The following MEIKIN variants were observed in gnomAD, a reference collection of about 807,000 sequenced individuals.
The protein encoded by MEIKIN is meiotic kinetochore factor.
At chr5:131,877,782 C>T (rs998258730) in intron 9 of MEIKIN, among the ~76,000 whole-genome samples, 2 of 152,218 alleles carry the variant, frequency 1.3e-5, no homozygotes, top group African/African-American at 4.8e-5. Context: ...CCCCCAGTCA[C>T]CCATCCACAG....
At chr5:131,850,839 C>G (rs1048297464) in intron 11 of MEIKIN, among the ~76,000 whole-genome samples, 1 of 152,076 alleles carries the variant, frequency 6.6e-6, no homozygotes, top group East Asian at 1.9e-4. Flanking sequence ...ATTCGAGAGG[C>G]TGAGATGGCA....
intron 12 of MEIKIN, among the ~76,000 whole-genome samples, chr5:131,807,676 A>C (rs924434): frequency 0.77 from 117,438 of 152,110 alleles, 45,519 homozygotes; most frequent in Middle Eastern, 0.83. Context: ...CATTTTCCTA[A>C]CCTTTATTAC....
intron 8 of MEIKIN, among the ~76,000 whole-genome samples, chr5:131,898,334 A>G (rs1004634755): frequency 3.3e-5 from 5 of 152,154 alleles, no homozygotes; most frequent in South Asian, 2.1e-4. Flanking sequence ...TGAGGTGTCT[A>G]TTGGCCCCTA....
chr5:131,869,607 C>T (rs765117125), intron 9 of MEIKIN, among the ~76,000 whole-genome samples: 8 of 152,178 alleles, frequency 5.3e-5, no homozygotes, highest in Non-Finnish European at 8.8e-5. Context: ...CGAATATTCT[C>T]GCATTCTGTT....
intron 11 of MEIKIN, among the ~76,000 whole-genome samples, chr5:131,847,054 T>C (rs1455414803): frequency 6.6e-6 from 1 of 151,696 alleles, no homozygotes; most frequent in Non-Finnish European, 1.5e-5. Context: ...CTATAGAATA[T>C]ACACAAAAGG....
In MEIKIN at chr5:131,823,127, C is replaced by T. The variant is rs563691555; in HGVS notation, c.976-4264G>A. ...GCTGCTTTTAGGATCTTTTCTCTATCCTTGACCTTTCAGAGTTTGATTATT... is the reference window on the plus strand; with the variant it reads ...GCTGCTTTTAGGATCTTTTCTCTATTCTTGACCTTTCAGAGTTTGATTATT... On this transcript the variant is annotated intron_variant, in intron 11 of 12. Coordinates refer to ENST00000442687, the MANE Select transcript of MEIKIN (RefSeq NM_001303622.2). Among the ~76,000 whole-genome samples, 6 of 152,030 alleles carry T rather than the reference C, an allele frequency of 3.9e-5. No individual in the cohort carries two copies. In the South Asian group the frequency reaches 8.3e-4, roughly 21 times the overall value.
chr5:131,873,952 C>T (rs1750558861), intron 9 of MEIKIN, among the ~76,000 whole-genome samples: 1 of 152,126 alleles, frequency 6.6e-6, no homozygotes, highest in Non-Finnish European at 1.5e-5. Context: ...CCAACGACAA[C>T]AAAGACACAA....
chr5:131,898,296 C>G (rs570893381), intron 8 of MEIKIN, among the ~76,000 whole-genome samples: 6 of 152,276 alleles, frequency 3.9e-5, no homozygotes, highest in African/African-American at 9.6e-5. Context: ...CCTCTGGAAG[C>G]TTTGTCCCAG....
At chr5:131,899,238 T>G (rs945327366) in intron 8 of MEIKIN, among the ~76,000 whole-genome samples, 8 of 152,174 alleles carry the variant, frequency 5.3e-5, no homozygotes, top group African/African-American at 1.9e-4. Context: ...ACTTGTTTGT[T>G]TATGCAAACA....
At chr5:131,854,883 C>T (rs1043936394) in intron 9 of MEIKIN, 49 bp from the exon 10 acceptor site, 5 of 395,518 alleles carry the variant, frequency 1.3e-5, no homozygotes, top group African/African-American at 1.0e-4. Flanking sequence ...AAGAAATAAA[C>T]TATTTTAGTA....
chr5:131,885,363 G>GAGAA (rs1750768724), intron 8 of MEIKIN, among the ~76,000 whole-genome samples: 2 of 27,950 alleles, frequency 7.2e-5, no homozygotes, highest in African/African-American at 2.0e-4. Context: ...GAGAGAGAGA[G>GAGAA]AGAGAGAGAG....
intron 5 of MEIKIN, among the ~76,000 whole-genome samples, chr5:131,931,065 A>G (rs1751681122): frequency 6.6e-6 from 1 of 152,164 alleles, no homozygotes; most frequent in Non-Finnish European, 1.5e-5. Flanking sequence ...GCATCTACGC[A>G]TTAGAAAATA....
At chr5:131,825,907 G>C (rs934556543) in intron 11 of MEIKIN, among the ~76,000 whole-genome samples, 2 of 152,180 alleles carry the variant, frequency 1.3e-5, no homozygotes, top group African/African-American at 4.8e-5. Context: ...TCAAAAGACA[G>C]TGGAATGATA....
At chr5:131,859,916 C>A (rs1376206435) in intron 9 of MEIKIN, among the ~76,000 whole-genome samples, 1 of 152,104 alleles carries the variant, frequency 6.6e-6, no homozygotes, top group African/African-American at 2.4e-5. Context: ...GTCTCTGTGT[C>A]TATTTTTCTA....
At chr5:131,829,042 G>A (rs1347554628) in intron 11 of MEIKIN, among the ~76,000 whole-genome samples, 1 of 152,032 alleles carries the variant, frequency 6.6e-6, no homozygotes, top group Non-Finnish European at 1.5e-5. Flanking sequence ...AACCACTGAA[G>A]CACATCATCA....
At position 131,818,750 on chromosome 5, in the gene MEIKIN, A is replaced by G. The variant is rs576444134; in HGVS notation, c.1089T>C (p.Asp363=). 2 of 398,084 alleles carry G rather than the reference A, an allele frequency of 5.0e-6. No homozygotes were observed. The highest frequency in any genetic ancestry group is 8.9e-6 in the Non-Finnish European group (2 of 225,740). 24.7% of individuals were successfully genotyped at this position (398,084 alleles called of 1,614,324 possible). The part of the protein sequence containing the change: ...VKKKKYSLPK[D]TPQDIIIKMA ...TTCATACTACAGTACCTTGAGGGGT[A>G]TCCTTAGGAAGAGAATATTTCTTCT... Residue 363 remains aspartate (D), a synonymous_variant, in exon 12 of 13, where the codon GAT becomes GAC. Coordinates refer to ENST00000442687, the MANE Select transcript of MEIKIN (RefSeq NM_001303622.2).
chr5:131,923,264 G>T (rs1248718806), intron 5 of MEIKIN, among the ~76,000 whole-genome samples: 1 of 152,058 alleles, frequency 6.6e-6, no homozygotes, highest in East Asian at 1.9e-4. Flanking sequence ...CCACTCCCAG[G>T]TGTTTTAGAA....
chr5:131,822,089 C>G (rs1434909903), intron 11 of MEIKIN, among the ~76,000 whole-genome samples: 1 of 152,144 alleles, frequency 6.6e-6, no homozygotes, highest in Non-Finnish European at 1.5e-5. Flanking sequence ...TCTGTTTTGT[C>G]TAAGTACAGC....
At chr5:131,913,045 T>C (rs948136528) in intron 7 of MEIKIN, among the ~76,000 whole-genome samples, 6 of 152,226 alleles carry the variant, frequency 3.9e-5, no homozygotes, top group African/African-American at 1.4e-4. Context: ...CATTGGTATC[T>C]CTGGGATATG....
Sources: allele counts gnomAD v4.1 joint callset (sites outside exome capture counted in the v4.1 genomes callset), GRCh38; gene constraint gnomAD v4.1.1; transcripts MANE v1.5; gene names NCBI Gene and HGNC (gene_info 2026-07-23, HGNC 2026-07-21).